Variants in LY96 observed in about 807,000 individuals in gnomAD.
The protein encoded by LY96 is myeloid differentiation protein-2.
LY96 carries 18 observed loss-of-function variants against 18.9 expected under a neutral mutation model. The observed-to-expected ratio is 0.95, with a 90% CI of 0.66 to 1.41. The LOEUF (loss-of-function observed/expected upper bound fraction) is 1.41, where lower values mean the gene tolerates loss of function less well. Among genes scored for constraint, LY96 ranks in the 40% most tolerant of loss-of-function variants. The pLI is 0.00. For synonymous variants in LY96, 66 were observed against 62.6 expected, an observed-to-expected ratio of 1.06 and a Z score of -0.26; for missense variants, 175 against 182.4, an observed-to-expected ratio of 0.96 and a Z score of 0.23.
Position 74,002,064 on chromosome 8 carries a change from TTCCTTCCTTC to T in LY96, c.113-2731_113-2722del, listed in dbSNP as rs1563710792. Among the ~76,000 whole-genome samples, 297 of 37,914 alleles carry T rather than the reference TTCCTTCCTTC, an allele frequency of 7.8e-3. 49 individuals are homozygous for T. Among genetic ancestry groups the T allele is most frequent in the East Asian group, 0.055 (89 of 1,610 alleles). 24.9% of individuals were successfully genotyped at this position (37,914 alleles called of 152,430 possible). ...CTTCCTTCCTTCCTTCCTTCCTTCC[TTCCTTCCTTC>T]CTTTCTTTCTTTCTTTCTTTCTCTC... On this transcript the variant is annotated intron_variant, in intron 1 of 4. Coordinates refer to ENST00000284818, the MANE Select transcript of LY96 (RefSeq NM_015364.5).
At chr8:74,086,632 T>C in the LY96 span, among the ~76,000 whole-genome samples, 5 of 152,268 alleles carry the variant, frequency 3.3e-5, no homozygotes, top group Non-Finnish European at 7.3e-5. Flanking sequence ...TTCTAACTGA[T>C]GCTGTTTGCT....
the LY96 span, among the ~76,000 whole-genome samples, chr8:74,068,887 C>T: frequency 8.3e-4 from 127 of 152,260 alleles, no homozygotes; most frequent in Middle Eastern, 6.8e-3. Context: ...CCTCCGCCTC[C>T]GGGTTCCAGC....
the LY96 span, among the ~76,000 whole-genome samples, chr8:74,069,995 T>G: frequency 6.6e-6 from 1 of 152,244 alleles, no homozygotes; most frequent in Non-Finnish European, 1.5e-5. Context: ...CACTTCTTAG[T>G]TGGCATTCTT....
chr8:74,047,361 AG>A, the LY96 span, among the ~76,000 whole-genome samples: 25 of 152,278 alleles, frequency 1.6e-4, 1 homozygote, highest in South Asian at 5.2e-3. Flanking sequence ...GGTGTGGTGG[AG>A]TCTGTTTCTC....
At chr8:74,041,250 A>G in the LY96 span, among the ~76,000 whole-genome samples, 1 of 152,202 alleles carries the variant, frequency 6.6e-6, no homozygotes, top group Non-Finnish European at 1.5e-5. Context: ...ATAATTTCTT[A>G]TGCCTGTCTT....
At chr8:74,007,367 T>C (rs1816435750) in intron 2 of LY96, among the ~76,000 whole-genome samples, 1 of 152,232 alleles carries the variant, frequency 6.6e-6, no homozygotes, top group Non-Finnish European at 1.5e-5. Context: ...TCTCACTAAA[T>C]ATGACATTTA....
At chr8:74,051,054 A>G in the LY96 span, among the ~76,000 whole-genome samples, 2 of 152,160 alleles carry the variant, frequency 1.3e-5, no homozygotes, top group Admixed American at 1.3e-4. Flanking sequence ...GACCCATAAG[A>G]TACTATTAGT....
the LY96 span, among the ~76,000 whole-genome samples, chr8:74,059,379 C>G: frequency 1.1e-4 from 16 of 152,238 alleles, no homozygotes; most frequent in East Asian, 3.1e-3. Context: ...CAAACAGATT[C>G]TAAGAACTTC....
At chr8:74,088,741 A>G in the LY96 span, among the ~76,000 whole-genome samples, 5 of 151,952 alleles carry the variant, frequency 3.3e-5, no homozygotes, top group African/African-American at 1.2e-4. Context: ...ACCTACCACT[A>G]CACCTGGTTA....
chr8:74,036,922 T>C, the LY96 span, among the ~76,000 whole-genome samples: 2 of 152,212 alleles, frequency 1.3e-5, no homozygotes, highest in Non-Finnish European at 2.9e-5. Flanking sequence ...ACAGCATAGC[T>C]TTCTCTCAAA....
chr8:74,044,431 T>C, the LY96 span, among the ~76,000 whole-genome samples: 551 of 152,260 alleles, frequency 3.6e-3, 1 homozygote, highest in Middle Eastern at 0.01. Context: ...GCTCAGGCAA[T>C]CCTTCTGCCT....
At chr8:73,999,238 G>C (rs1416027795) in intron 1 of LY96, among the ~76,000 whole-genome samples, 1 of 151,986 alleles carries the variant, frequency 6.6e-6, no homozygotes, top group East Asian at 1.9e-4. Context: ...CCAAAGTGTT[G>C]GGATTACAGG....
At chr8:74,025,814 C>G (rs1201372355) in intron 3 of LY96, among the ~76,000 whole-genome samples, 2 of 152,138 alleles carry the variant, frequency 1.3e-5, no homozygotes, top group Non-Finnish European at 2.9e-5. Flanking sequence ...TCGAGACCAG[C>G]CTGGTCAGCA....
At chr8:74,027,228 T>C (rs1816889320) in intron 4 of LY96, among the ~76,000 whole-genome samples, 3 of 151,982 alleles carry the variant, frequency 2.0e-5, no homozygotes, top group African/African-American at 7.2e-5. Flanking sequence ...GTATGGGCAG[T>C]TGTGCCCAGC....
chr8:74,090,964 T>C, the LY96 span, among the ~76,000 whole-genome samples: 2 of 152,346 alleles, frequency 1.3e-5, no homozygotes, highest in East Asian at 3.9e-4. Context: ...TTTTACTTTA[T>C]TTCATTCTCC....
At chr8:74,027,080 C>T (rs544348791) in intron 4 of LY96, among the ~76,000 whole-genome samples, 38 of 152,112 alleles carry the variant, frequency 2.5e-4, no homozygotes, top group African/African-American at 8.2e-4. Flanking sequence ...GCTGGGACTA[C>T]ATGTCCATGC....
At chr8:74,001,089 A>G (rs1816253695) in intron 1 of LY96, among the ~76,000 whole-genome samples, 2 of 152,148 alleles carry the variant, frequency 1.3e-5, no homozygotes, top group East Asian at 1.9e-4. Flanking sequence ...CATTCAAACC[A>G]TAGCAACACC....
At chr8:74,028,124 C>T (rs887836307) in intron 4 of LY96, among the ~76,000 whole-genome samples, 6 of 152,162 alleles carry the variant, frequency 3.9e-5, no homozygotes, top group African/African-American at 7.2e-5. Context: ...TGCATAAGGG[C>T]GCTGGCTTTA....
At chr8:74,017,405 A>T (rs1554602754) in intron 3 of LY96, among the ~76,000 whole-genome samples, 2 of 152,236 alleles carry the variant, frequency 1.3e-5, no homozygotes, top group Non-Finnish European at 2.9e-5. Context: ...ATACTATGTG[A>T]AAAGACCAAA....
Sources: allele counts gnomAD v4.1 joint callset (sites outside exome capture counted in the v4.1 genomes callset), GRCh38; gene constraint gnomAD v4.1.1; transcripts MANE v1.5; gene names NCBI Gene and HGNC (gene_info 2026-07-23, HGNC 2026-07-21).